INPP4A: variants seen among roughly 807,000 people sequenced by gnomAD.
INPP4A encodes the protein inositol polyphosphate-4-phosphatase, type I, 107kD.
Under a neutral mutation model 119.8 loss-of-function variants are expected in INPP4A, and 33 were observed. The observed-to-expected ratio is 0.28, with a 90% CI of 0.21 to 0.37. The LOEUF (loss-of-function observed/expected upper bound fraction) is 0.37. Among genes scored for constraint, INPP4A ranks in the 10% least tolerant of loss-of-function variants. INPP4A has a pLI of 1.00. For synonymous variants in INPP4A, 496 were observed against 500.7 expected (o/e 0.99, Z 0.12); for missense variants, 956 against 1,289.9 (o/e 0.74, Z 3.97).
At chr2:98,504,790 A>AGT (rs1683737571) in intron 1 of INPP4A, among the ~76,000 whole-genome samples, 1 of 152,246 alleles carries the variant, frequency 6.6e-6, no homozygotes, top group African/African-American at 2.4e-5. Context: ...ACTTGTCTGA[A>AGT]GCACGTTATT....
intron 10 of INPP4A, among the ~76,000 whole-genome samples, chr2:98,541,239 A>G (rs901539559): frequency 6.6e-6 from 1 of 151,910 alleles, no homozygotes; most frequent in Non-Finnish European, 1.5e-5. Context: ...AGGCAGGAGA[A>G]TGGCGTGAAC....
chr2:98,553,493 T>C (rs1693916448), intron 14 of INPP4A, among the ~76,000 whole-genome samples: 1 of 152,092 alleles, frequency 6.6e-6, no homozygotes, highest in Admixed American at 6.6e-5. Context: ...TCAGACCCTT[T>C]TGATGGATGA....
In INPP4A at chr2:98,498,865, A is replaced by C. The variant is rs149910352; in HGVS notation, c.-165-20099A>C. Among the ~76,000 whole-genome samples, 10 of 152,358 alleles carry C rather than the reference A, an allele frequency of 6.6e-5. No individual in the cohort carries two copies. In the East Asian group the frequency reaches 1.9e-3, roughly 29 times the overall value. ...CAGCTAGAAGGTGACTGTAAGCCAA[A>C]GAGAGTGGCCTCACCAGGAACTGAA... is the stretch of plus-strand genomic sequence containing the variant. On this transcript the variant is annotated intron_variant, in intron 1 of 24. Coordinates refer to ENST00000409851, the MANE Select transcript of INPP4A (RefSeq NM_001134225.2).
At chr2:98,501,542 C>T (rs76362434) in intron 1 of INPP4A, among the ~76,000 whole-genome samples, 34,111 of 151,828 alleles carry the variant, frequency 0.22, 3,952 homozygotes, top group Middle Eastern at 0.31. Flanking sequence ...CCCCAGCCCC[C>T]CATTCTCTGA....
intron 1 of INPP4A, among the ~76,000 whole-genome samples, chr2:98,496,280 T>G (rs371766630): frequency 6.6e-6 from 1 of 152,234 alleles, no homozygotes; most frequent in Non-Finnish European, 1.5e-5. Context: ...ATTTTTGGCT[T>G]ATAGTCTCCA....
intron 17 of INPP4A, among the ~76,000 whole-genome samples, chr2:98,561,138 G>A (rs1695401566): frequency 6.6e-6 from 1 of 152,166 alleles, no homozygotes; most frequent in African/African-American, 2.4e-5. Context: ...CAGAAGCAAA[G>A]TACGGATTTG....
intron 24 of INPP4A, among the ~76,000 whole-genome samples, chr2:98,580,396 C>T (rs1699121769): frequency 6.6e-6 from 1 of 152,248 alleles, no homozygotes; most frequent in Non-Finnish European, 1.5e-5. Flanking sequence ...ATTTCTGTGG[C>T]ATAAACGCTT....
chr2:98,581,036 G>C (rs1434064584), intron 24 of INPP4A, among the ~76,000 whole-genome samples: 1 of 152,240 alleles, frequency 6.6e-6, no homozygotes, highest in South Asian at 2.1e-4. Flanking sequence ...TCTGCGCTTG[G>C]TTGGTTGGTA....
chr2:98,502,504 G>A (rs958087930), intron 1 of INPP4A, among the ~76,000 whole-genome samples: 1 of 152,108 alleles, frequency 6.6e-6, no homozygotes, highest in East Asian at 1.9e-4. Context: ...GCTCTTGGTG[G>A]TGGTAATTTT....
At chr2:98,553,667 T>G (rs1693960541) in intron 14 of INPP4A, among the ~76,000 whole-genome samples, 1 of 152,188 alleles carries the variant, frequency 6.6e-6, no homozygotes, top group African/African-American at 2.4e-5. Context: ...ATGTGTTATA[T>G]CCTTCACAGG....
intron 24 of INPP4A, among the ~76,000 whole-genome samples, chr2:98,577,556 A>G (rs1387521624): frequency 6.6e-6 from 1 of 152,184 alleles, no homozygotes; most frequent in African/African-American, 2.4e-5. Context: ...ATATCTGTAC[A>G]TTTCCAAACT....
chr2:98,583,993 G>A (rs764440637), intron 24 of INPP4A, among the ~76,000 whole-genome samples: 1 of 152,232 alleles, frequency 6.6e-6, no homozygotes, highest in Non-Finnish European at 1.5e-5. Context: ...TCCAAGTGCA[G>A]TGTGTTCACT....
chr2:98,464,703 A>C (rs978697729), intron 1 of INPP4A, among the ~76,000 whole-genome samples: 16 of 152,190 alleles, frequency 1.1e-4, no homozygotes, highest in Non-Finnish European at 2.1e-4. Context: ...ATCACAGCTC[A>C]TGATGCCTGA....
At chr2:98,480,633 T>C (rs1489917703) in intron 1 of INPP4A, among the ~76,000 whole-genome samples, 1 of 152,216 alleles carries the variant, frequency 6.6e-6, no homozygotes, top group Non-Finnish European at 1.5e-5. Context: ...GGTGACCCTC[T>C]GTGCACTGAA....
At chr2:98,568,825 GAGA>G in intron 22 of INPP4A, 157 bp downstream of exon 22, 1 of 596,584 alleles carries the variant, frequency 1.7e-6, no homozygotes. Flanking sequence ...GAGAGAGAGA[GAGA>G]AGCTTCCCTT....
chr2:98,554,185 A>C lies in INPP4A; in HGVS notation c.1348-86A>C. On this transcript the variant is annotated intron_variant, in intron 14 of 24. Transcript: ENST00000409851. This position sits in a 1 kb window ranked among gnomAD's most constrained non-coding sequence, Gnocchi z 4.7. ...CAGAGGGGTGCAGTGCTGGGCTTTA[A>C]GCCCATTCTCCATTTCTGAGATAAG... The C allele has an allele frequency of 9.7e-7, 1 of 1,027,680 alleles. No homozygotes were observed. The highest frequency in any genetic ancestry group is 1.4e-6 in the Non-Finnish European group (1 of 697,046). 63.7% of individuals were successfully genotyped at this position (1,027,680 alleles called of 1,614,324 possible). A position where few individuals can be genotyped will look rare whatever the true frequency, so the allele number is the denominator to read the frequency against.
chr2:98,573,411 C>T (rs1171900037), intron 23 of INPP4A, among the ~76,000 whole-genome samples: 1 of 152,230 alleles, frequency 6.6e-6, no homozygotes, highest in Non-Finnish European at 1.5e-5. Context: ...GGGTAACAGA[C>T]CAATTTCATA....
At chr2:98,579,406 T>C (rs535684908) in intron 24 of INPP4A, among the ~76,000 whole-genome samples, 1 of 152,344 alleles carries the variant, frequency 6.6e-6, no homozygotes, top group Non-Finnish European at 1.5e-5. Flanking sequence ...TTAAGCTGTA[T>C]ATGGTTTTCC....
intron 1 of INPP4A, among the ~76,000 whole-genome samples, chr2:98,485,794 G>T (rs188549053): frequency 6.6e-6 from 1 of 152,358 alleles, no homozygotes; most frequent in Non-Finnish European, 1.5e-5. Context: ...AGGTGAATCT[G>T]TGACTGAGAA....
Sources: gnomAD v4.1 joint callset for allele counts (sites outside exome capture counted in the v4.1 genomes callset) on GRCh38, gnomAD v4.1.1 for gene constraint, Gnocchi (gnomAD v3.1) non-coding constraint, MANE v1.5 for transcripts, NCBI Gene and HGNC (gene_info 2026-07-23, HGNC 2026-07-21) for gene names.